PRKG1: variants seen among roughly 807,000 people sequenced by gnomAD.
The protein encoded by PRKG1 is cGMP-dependent protein kinase 1.
Under a neutral mutation model 88.1 loss-of-function variants are expected in PRKG1, and 35 were observed. The observed-to-expected ratio is 0.40, with a 90% confidence interval of 0.30 to 0.53. The LOEUF (loss-of-function observed/expected upper bound fraction) is 0.53. Among genes scored for constraint, PRKG1 ranks in the 20% least tolerant of loss-of-function variants. PRKG1 has a pLI of 0.59. For synonymous variants in PRKG1, 303 were observed against 292.5 expected (o/e 1.04, Z -0.37); for missense variants, 540 against 839.8 (o/e 0.64, Z 4.41).
chr10:52,119,143 T>C (rs942988845), intron 7 of PRKG1, among the ~76,000 whole-genome samples: 1 of 152,172 alleles, frequency 6.6e-6, no homozygotes, highest in Non-Finnish European at 1.5e-5. Flanking sequence ...TAGATCACAA[T>C]TACAGGCTTA....
At chr10:51,892,700 A>T (rs935899704) in intron 4 of PRKG1, among the ~76,000 whole-genome samples, 1 of 152,228 alleles carries the variant, frequency 6.6e-6, no homozygotes, top group Non-Finnish European at 1.5e-5. Flanking sequence ...TTGGTATTTC[A>T]TGGGTAGAAA....
At chr10:51,407,388 A>C (rs1207202914) in intron 2 of PRKG1, among the ~76,000 whole-genome samples, 2 of 152,240 alleles carry the variant, frequency 1.3e-5, no homozygotes, top group African/African-American at 4.8e-5. Context: ...TATTACATAA[A>C]GTTAACAATA....
chr10:51,969,073 T>C (rs1843642479), intron 5 of PRKG1, among the ~76,000 whole-genome samples: 1 of 152,026 alleles, frequency 6.6e-6, no homozygotes, highest in African/African-American at 2.4e-5. Flanking sequence ...CAGGGTATGA[T>C]TAAAAAACAT....
chr10:51,291,190 G>T (rs1011920738), intron 2 of PRKG1, among the ~76,000 whole-genome samples: 1 of 152,078 alleles, frequency 6.6e-6, no homozygotes, highest in African/African-American at 2.4e-5. Flanking sequence ...TTTGCAAGAG[G>T]GTTTCTTGGT....
intron 1 of PRKG1, chr10:51,062,911 C>A (rs908154395): frequency 6.6e-6 from 1 of 152,030 alleles, no homozygotes; most frequent in Non-Finnish European, 1.5e-5. Context: ...CATGAGCCAC[C>A]GTGCCCGGCC....
chr10:51,204,356 G>A (rs1010460235), intron 2 of PRKG1, among the ~76,000 whole-genome samples: 22 of 145,204 alleles, frequency 1.5e-4, no homozygotes, highest in African/African-American at 5.3e-4. Flanking sequence ...TAGATTATTT[G>A]AGTAGACCTC....
intron 9 of PRKG1, among the ~76,000 whole-genome samples, chr10:52,180,179 CTTTT>C (rs546976440): frequency 1.7e-4 from 26 of 152,130 alleles, no homozygotes; most frequent in African/African-American, 6.0e-4. Flanking sequence ...GAAATTCTTT[CTTTT>C]GTTTGGTTAG....
intron 3 of PRKG1, among the ~76,000 whole-genome samples, chr10:51,570,225 T>A (rs77448109): frequency 0.069 from 10,446 of 151,476 alleles, 1,190 homozygotes; most frequent in African/African-American, 0.24. Flanking sequence ...CATCCACGTA[T>A]AACTTTCAAT....
chr10:51,532,560 T>C (rs758039570), intron 3 of PRKG1, among the ~76,000 whole-genome samples: 66 of 152,172 alleles, frequency 4.3e-4, no homozygotes, highest in Admixed American at 2.0e-4. Context: ...CAAGGGACAT[T>C]ATATGGCCAC....
intron 9 of PRKG1, among the ~76,000 whole-genome samples, chr10:52,245,624 C>A (rs1263978188): frequency 6.6e-6 from 1 of 151,940 alleles, no homozygotes; most frequent in Non-Finnish European, 1.5e-5. Flanking sequence ...ATTTTATTTT[C>A]GTAGTTTTCC....
chr10:51,713,875 T>A lies in PRKG1; in HGVS notation c.593-90710T>A, dbSNP rs148372986. Among the ~76,000 whole-genome samples, 680 of 152,324 alleles carry A rather than the reference T, an allele frequency of 4.5e-3. 2 individuals carry two copies. The highest frequency in any genetic ancestry group is 0.016 in the African/African-American group (658 of 41,578). On this transcript the variant is annotated intron_variant, in intron 3 of 17. Transcript: ENST00000373980. ...TCTAATATCTTTTAAGAAAAAGGCA[T>A]CCAAACATTATTTAGAATCCCAGAT...
rs1319573216 is a variant in PRKG1, at chr10:51,921,305, C to T, written c.762+13735C>T. Among the ~76,000 whole-genome samples, 3 of 152,072 alleles carry T rather than the reference C, an allele frequency of 2.0e-5. No individual in the cohort carries two copies. In the East Asian group the frequency reaches 5.8e-4, roughly 29 times the overall value. On this transcript the variant is annotated intron_variant, in intron 5 of 17. Coordinates refer to ENST00000373980, the MANE Select transcript of PRKG1 (RefSeq NM_006258.4). ...ATAATCACTTACTAGTTCCAGGAGT[C>T]ATTTGGTCAATTATTTGGAATTCTC...
intron 3 of PRKG1, among the ~76,000 whole-genome samples, chr10:51,688,445 C>T (rs1052999992): frequency 1.3e-5 from 2 of 152,000 alleles, no homozygotes; most frequent in Non-Finnish European, 2.9e-5. Flanking sequence ...AGGGAGACAA[C>T]TATGGCAGCA....
intron 5 of PRKG1, among the ~76,000 whole-genome samples, chr10:51,929,869 G>T (rs567202853): frequency 6.6e-6 from 1 of 152,234 alleles, no homozygotes; most frequent in East Asian, 1.9e-4. Context: ...CCTATCTGTT[G>T]CACAGAACAC....
At chr10:52,211,875 GA>G (rs553940595) in intron 9 of PRKG1, among the ~76,000 whole-genome samples, 45 of 151,558 alleles carry the variant, frequency 3.0e-4, no homozygotes, top group African/African-American at 1.0e-3. Flanking sequence ...AAAAAAAATA[GA>G]AAAAAAACTT....
At chr10:51,461,375 T>C (rs1839739942) in intron 2 of PRKG1, among the ~76,000 whole-genome samples, 1 of 152,114 alleles carries the variant, frequency 6.6e-6, no homozygotes, top group South Asian at 2.1e-4. Flanking sequence ...TAAAATATTC[T>C]AACAACATGA....
intron 9 of PRKG1, among the ~76,000 whole-genome samples, chr10:52,201,088 T>C (rs1839653852): frequency 6.6e-6 from 1 of 152,198 alleles, no homozygotes; most frequent in Admixed American, 6.5e-5. Flanking sequence ...TTTGTTTTTG[T>C]TGCAATTACT....
intron 3 of PRKG1, among the ~76,000 whole-genome samples, chr10:51,753,940 T>A (rs1172320584): frequency 6.6e-6 from 1 of 152,002 alleles, no homozygotes; most frequent in African/African-American, 2.4e-5. Context: ...TCTTTGATCG[T>A]TTTGTTGTTG....
chr10:51,580,741 T>C (rs757414708), intron 3 of PRKG1, among the ~76,000 whole-genome samples: 1 of 152,164 alleles, frequency 6.6e-6, no homozygotes, highest in Non-Finnish European at 1.5e-5. Context: ...TATGCAACTA[T>C]GCTTTTTCTA....
Sources: gnomAD v4.1 joint callset for allele counts (sites outside exome capture counted in the v4.1 genomes callset) on GRCh38, gnomAD v4.1.1 for gene constraint, MANE v1.5 for transcripts, NCBI Gene and HGNC (gene_info 2026-07-23, HGNC 2026-07-21) for gene names.